The following NREP variants were observed in gnomAD, a reference collection of about 807,000 sequenced individuals.
NREP encodes the protein neuronal regeneration-related protein.
Under a neutral mutation model 8.6 loss-of-function variants are expected in NREP, and 5 were observed. That is an observed-to-expected ratio of 0.58 (90% confidence interval 0.30 to 1.22). The LOEUF (loss-of-function observed/expected upper bound fraction) is 1.22, where lower values mean the gene tolerates loss of function less well. Among genes scored for constraint, NREP ranks in the 50% most tolerant of loss-of-function variants. NREP has a pLI of 0.07. For missense variants in NREP, 86 were observed against 82.5 expected (o/e 1.04, Z -0.17); for synonymous variants, 27 against 28.0 (o/e 0.96, Z 0.11).
At chr5:111,780,684 C>T (rs1454897604) in intron 2 of NREP, among the ~76,000 whole-genome samples, 1 of 152,132 alleles carries the variant, frequency 6.6e-6, no homozygotes, top group African/African-American at 2.4e-5. Context: ...CACAGTTAGA[C>T]AATTCACTAA....
At chr5:111,843,010 G>A (rs1270856696) in intron 2 of NREP, among the ~76,000 whole-genome samples, 1 of 152,128 alleles carries the variant, frequency 6.6e-6, no homozygotes, top group Non-Finnish European at 1.5e-5. Context: ...TGATTACAAT[G>A]TGTCGTGGTG....
At chr5:111,793,088 G>A (rs1751788652) in intron 2 of NREP, among the ~76,000 whole-genome samples, 2 of 152,186 alleles carry the variant, frequency 1.3e-5, no homozygotes, top group Non-Finnish European at 2.9e-5. Context: ...AAGTCACCCA[G>A]TAAACTAGGT....
intron 2 of NREP, among the ~76,000 whole-genome samples, chr5:111,753,360 A>G (rs1183359802): frequency 6.8e-6 from 1 of 147,140 alleles, no homozygotes; most frequent in Non-Finnish European, 1.5e-5. Context: ...ATATGTATAT[A>G]TATATGATAT....
At chr5:111,965,463 A>G (rs1756617131) in intron 2 of NREP, among the ~76,000 whole-genome samples, 2 of 152,144 alleles carry the variant, frequency 1.3e-5, no homozygotes, top group African/African-American at 4.8e-5. Flanking sequence ...ATTATGAAAA[A>G]TGAAATATCT....
intron 2 of NREP, among the ~76,000 whole-genome samples, chr5:111,871,121 G>C (rs998138954): frequency 1.3e-5 from 2 of 149,232 alleles, no homozygotes; most frequent in African/African-American, 2.5e-5. Context: ...AATATGTTGT[G>C]AGAAAGGCGT....
chr5:111,803,026 C>T (rs1486370415), intron 2 of NREP, among the ~76,000 whole-genome samples: 1 of 151,988 alleles, frequency 6.6e-6, no homozygotes, highest in Admixed American at 6.6e-5. Context: ...AATGGTGTTG[C>T]CAAAGACAAA....
At chr5:111,828,276 G>A (rs1175937670) in intron 2 of NREP, among the ~76,000 whole-genome samples, 3 of 152,192 alleles carry the variant, frequency 2.0e-5, no homozygotes, top group South Asian at 4.1e-4. Flanking sequence ...GTGATCCACC[G>A]CCTCAGCATC....
intron 2 of NREP, among the ~76,000 whole-genome samples, chr5:111,942,473 G>C (rs1755855447): frequency 1.3e-5 from 2 of 151,976 alleles, no homozygotes; most frequent in Admixed American, 6.6e-5. Context: ...AACTACATCT[G>C]CAACATTGCA....
At chr5:111,732,441 T>G (rs963196861) in intron 3 of NREP, 4 of 152,084 alleles carry the variant, frequency 2.6e-5, no homozygotes, top group Admixed American at 1.3e-4. Flanking sequence ...ATAACCATGA[T>G]GTACTTTAAT....
At chr5:111,858,041 A>G (rs1180990682) in intron 2 of NREP, among the ~76,000 whole-genome samples, 1 of 152,102 alleles carries the variant, frequency 6.6e-6, no homozygotes, top group Non-Finnish European at 1.5e-5. Flanking sequence ...TCAGACTGCA[A>G]TACCTAAAAA....
At chr5:111,966,534 G>A (rs770928322) in intron 2 of NREP, among the ~76,000 whole-genome samples, 3 of 152,068 alleles carry the variant, frequency 2.0e-5, no homozygotes, top group Non-Finnish European at 4.4e-5. Context: ...TACCTTTCCT[G>A]CTTCTAAAAA....
At chr5:111,734,556 A>G (rs1449492399) in intron 3 of NREP, 4 of 443,922 alleles carry the variant, frequency 9.0e-6, no homozygotes, top group African/African-American at 6.1e-5. Flanking sequence ...AGTTGATACA[A>G]CCTCTTCAGT....
intron 2 of NREP, among the ~76,000 whole-genome samples, chr5:111,802,867 C>T (rs1439046375): frequency 2.6e-5 from 4 of 152,082 alleles, no homozygotes; most frequent in Admixed American, 6.6e-5. Flanking sequence ...CCTTAGATGA[C>T]TGAGCAAAAC....
chr5:111,736,378 A>G (rs1749117540), intron 2 of NREP, among the ~76,000 whole-genome samples: 1 of 152,238 alleles, frequency 6.6e-6, no homozygotes, highest in Non-Finnish European at 1.5e-5. Context: ...CATTTAATAT[A>G]GTTCTGATTG....
chr5:111,751,110 CA>C (rs1422568321), intron 2 of NREP, among the ~76,000 whole-genome samples: 6 of 152,096 alleles, frequency 3.9e-5, no homozygotes, highest in African/African-American at 1.4e-4. Flanking sequence ...TGTTAATATG[CA>C]TAGATGAAAT....
intron 2 of NREP, chr5:111,974,313 G>C (rs1005161085): frequency 1.1e-4 from 17 of 152,202 alleles, no homozygotes; most frequent in African/African-American, 3.4e-4. Flanking sequence ...AAGGCAGCTG[G>C]TGTTACCCTC....
intron 2 of NREP, among the ~76,000 whole-genome samples, chr5:111,739,980 T>C (rs1749506814): frequency 6.6e-6 from 1 of 151,840 alleles, no homozygotes; most frequent in South Asian, 2.1e-4. Flanking sequence ...AAGCAAATCG[T>C]ACCTTCAACA....
intron 2 of NREP, among the ~76,000 whole-genome samples, chr5:111,798,246 G>A (rs1227443781): frequency 3.3e-5 from 5 of 152,208 alleles, no homozygotes; most frequent in African/African-American, 9.6e-5. Context: ...ATAGAGAAAT[G>A]AAAAATAAAA....
At chr5:111,943,597 T>G (rs999341397) in intron 2 of NREP, among the ~76,000 whole-genome samples, 2 of 152,128 alleles carry the variant, frequency 1.3e-5, no homozygotes, top group African/African-American at 4.8e-5. Flanking sequence ...TTCATTTTCA[T>G]GCTGAAGCTA....
Sources: allele counts gnomAD v4.1 joint callset (sites outside exome capture counted in the v4.1 genomes callset), GRCh38; gene constraint gnomAD v4.1.1; transcripts MANE v1.5; gene names NCBI Gene and HGNC (gene_info 2026-07-23, HGNC 2026-07-21).